The following UNC80 variants were observed in gnomAD, a reference collection of about 807,000 sequenced individuals.
The protein encoded by UNC80 is protein unc-80 homolog.
Under a neutral mutation model 384.6 loss-of-function variants are expected in UNC80, and 164 were observed. The ratio of observed to expected loss-of-function variants is 0.43; its 90% confidence interval spans 0.38 to 0.49. The LOEUF is 0.49. Ranked by LOEUF, UNC80 falls within the 20% of genes least tolerant of loss-of-function variation. The pLI, the probability that UNC80 is intolerant of heterozygous loss-of-function variation, is 0.00. For missense variants in UNC80, 3,330 were observed against 4,143.0 expected (o/e 0.80, Z 5.39); for synonymous variants, 1,486 against 1,527.8 (o/e 0.97, Z 0.64).
At chr2:209,797,173 C>G (rs1298769460) in intron 7 of UNC80, among the ~76,000 whole-genome samples, 1 of 152,020 alleles carries the variant, frequency 6.6e-6, no homozygotes, top group Admixed American at 6.6e-5. Context: ...TATTGTTAAA[C>G]AATATTCTTT....
At position 209,995,602 on chromosome 2, in the gene UNC80, A is replaced by G. The variant is rs182098712; in HGVS notation, c.*7A>G. On this transcript the variant is annotated 3_prime_UTR_variant, in exon 65 of 65. Coordinates refer to ENST00000673920, the MANE Select transcript of UNC80 (RefSeq NM_001371986.1). ...AGATGAGTCTCATGTTTAATTCTGT[A>G]TCTTGTAAGCTCTGCAGGTATAGAG... The G allele has an allele frequency of 1.5e-5, 24 of 1,551,756 alleles. No individual in the cohort carries two copies. In the East Asian group the frequency reaches 2.9e-4, roughly 19 times the overall value.
At chr2:209,852,637 T>C (rs1189773760) in intron 22 of UNC80, among the ~76,000 whole-genome samples, 1 of 152,114 alleles carries the variant, frequency 6.6e-6, no homozygotes, top group Admixed American at 6.6e-5. Context: ...TGCAGCTATA[T>C]GTCGTACGTG....
At chr2:209,853,739 A>G (rs747111233) in intron 22 of UNC80, among the ~76,000 whole-genome samples, 20 of 152,118 alleles carry the variant, frequency 1.3e-4, no homozygotes, top group Admixed American at 7.9e-4. Flanking sequence ...ATCCAGTTGA[A>G]TTTGTAACAT....
chr2:209,777,137 G>A, intron 3 of UNC80, 121 bp from the exon 4 acceptor site: 1 of 1,163,000 alleles, frequency 8.6e-7, no homozygotes, highest in Non-Finnish European at 1.2e-6. Context: ...AATGAGCCCT[G>A]CTAGCAGTGG....
At chr2:209,778,291 T>G (rs2076975244) in intron 4 of UNC80, among the ~76,000 whole-genome samples, 1 of 152,106 alleles carries the variant, frequency 6.6e-6, no homozygotes, top group Non-Finnish European at 1.5e-5. Flanking sequence ...TCCCAGCTAC[T>G]CGGGAGGCTG....
chr2:209,942,869 C>T (rs949990531), intron 44 of UNC80, among the ~76,000 whole-genome samples: 2 of 151,914 alleles, frequency 1.3e-5, no homozygotes, highest in African/African-American at 2.4e-5. Context: ...CACACACACA[C>T]ACACACACAC....
chr2:209,867,713 A>C (rs1406107760), intron 22 of UNC80, among the ~76,000 whole-genome samples: 2 of 152,104 alleles, frequency 1.3e-5, no homozygotes, highest in East Asian at 3.9e-4. Context: ...CGGTCTCTCT[A>C]TAGTCAGCAG....
Position 209,976,994 on chromosome 2 carries a change from C to G in UNC80, c.8854C>G (p.Pro2952Ala), listed in dbSNP as rs1025598097. The change falls in exon 58 of 65, where the codon CCA becomes GCA. Residue 2952 changes from proline to alanine, a missense_variant. Pro to Ala is a conservative substitution (Grantham distance 27). Transcript: ENST00000673920. This position sits in a 1 kb window ranked among gnomAD's most constrained non-coding sequence, Gnocchi z 4.3. ...CGACCAGCTGGAGCGGCGCTTCATA[C>G]CACGCCCTTTGTGTAAGAGCTCGCT... ...IADQLERRFI[P>A]RPLCKSSLIA... 6.9e-5 allele frequency: 106 copies of G among 1,539,758 alleles called. No homozygotes were observed. Among genetic ancestry groups the G allele is most frequent in the Non-Finnish European group, 9.3e-5 (106 of 1,137,260 alleles).
chr2:209,954,278 C>A lies in UNC80; in HGVS notation c.7457+8C>A. ...TGTAGAGGTCCTCACCAGGTAATCC[C>A]ATTGGCAGAAATAGCTACAGCCTTA... On this transcript the variant is annotated splice_region_variant and intron_variant, in intron 48 of 64. Coordinates refer to ENST00000673920, the MANE Select transcript of UNC80 (RefSeq NM_001371986.1). The A allele has an allele frequency of 1.4e-6, 2 of 1,467,326 alleles. No homozygotes were observed. The highest frequency in any genetic ancestry group is 2.5e-5 in the East Asian group (1 of 39,442). 90.9% of individuals were successfully genotyped at this position (1,467,326 alleles called of 1,614,324 possible). A position where few individuals can be genotyped will look rare whatever the true frequency, so the allele number is the denominator to read the frequency against.
Position 209,967,419 on chromosome 2 carries a change from C to CAT in UNC80, c.7806-7_7806-6dup, listed in dbSNP as rs752949976. ...AAGCTTATACTTTAAAATATATATA[C>CAT]ATATATATATATTTTAGGTTGGCAG... On this transcript the variant is annotated splice_polypyrimidine_tract_variant and intron_variant, in intron 51 of 64. Coordinates refer to ENST00000673920, the MANE Select transcript of UNC80 (RefSeq NM_001371986.1). 9.8e-4 allele frequency: 1,449 copies of CAT among 1,477,360 alleles called. 2 individuals carry two copies. The highest frequency in any genetic ancestry group is 3.7e-3 in the East Asian group (146 of 39,930). The allele number at this position is 1,477,360 out of a possible 1,614,324, so 91.5% of individuals were successfully genotyped here.
chr2:209,888,287 G>T, intron 26 of UNC80, 27 bp downstream of exon 26: 6 of 1,549,454 alleles, frequency 3.9e-6, no homozygotes, highest in Non-Finnish European at 5.2e-6. Context: ...GTTCCTTCAT[G>T]TTTCAGGGTT....
rs763369889 is a variant in UNC80, at chr2:209,817,904, G to C, written c.1645G>C (p.Asp549His). 25 of 1,551,462 alleles carry C rather than the reference G, an allele frequency of 1.6e-5. No individual in the cohort carries two copies. Among genetic ancestry groups the C allele is most frequent in the Non-Finnish European group, 2.1e-5 (24 of 1,146,976 alleles). ...CCACTCCCATCACACCCTGGTAAGC[G>C]ACCTGCCGGACCCCTCCAACAGCCA... ...HSHSHHTLVS[D>H]LPDPSNSHGE... The change falls in exon 11 of 65, where the codon GAC becomes CAC. Residue 549 changes from aspartate (D) to histidine (H), a missense_variant. Transcript: ENST00000673920.
At chr2:209,893,503 G>C (rs1434261165) in intron 26 of UNC80, among the ~76,000 whole-genome samples, 1 of 152,134 alleles carries the variant, frequency 6.6e-6, no homozygotes, top group East Asian at 1.9e-4. Context: ...GGTATGCATA[G>C]ACTGTTTTAA....
At chr2:209,892,295 A>C (rs535959712) in intron 26 of UNC80, among the ~76,000 whole-genome samples, 34 of 152,196 alleles carry the variant, frequency 2.2e-4, no homozygotes, top group Admixed American at 6.5e-4. Flanking sequence ...GAGGTGAAAG[A>C]AAAGGCCAAA....
At chr2:209,917,718 A>G (rs1410019483) in intron 31 of UNC80, 59 bp from the exon 32 acceptor site, 13 of 1,531,474 alleles carry the variant, frequency 8.5e-6, no homozygotes, top group Non-Finnish European at 1.1e-5. Flanking sequence ...CTTCTCCCCA[A>G]CCCCAGGAAC....
intron 3 of UNC80, 52 bp from the exon 4 acceptor site, chr2:209,777,206 T>G: frequency 1.3e-6 from 2 of 1,515,662 alleles, no homozygotes; most frequent in Non-Finnish European, 1.8e-6. Flanking sequence ...TGACATCTAT[T>G]GCCCTGGTCA....
At chr2:209,833,879 C>T in intron 16 of UNC80, 123 bp from the exon 17 acceptor site, 1 of 918,278 alleles carries the variant, frequency 1.1e-6, no homozygotes, top group Non-Finnish European at 1.6e-6. Flanking sequence ...GTAAACTGTC[C>T]TGTCTTAATG....
Position 209,872,680 on chromosome 2 carries a change from C to T in UNC80, c.3628-78C>T, listed in dbSNP as rs2084402069. ...AAGAGGAAAATAAACTAAAAATACA[C>T]AGTAATTCCCTTTAAGACCAATTTA... On this transcript the variant is annotated intron_variant, in intron 22 of 64. Transcript: ENST00000673920. This position sits in a 1 kb window ranked among gnomAD's most constrained non-coding sequence, Gnocchi z 4.1. The T allele has an allele frequency of 7.9e-7, 1 of 1,264,804 alleles. No individual in the cohort carries two copies. The highest frequency in any genetic ancestry group is 2.0e-5 in the Admixed American group (1 of 49,250). The allele number at this position is 1,264,804 out of a possible 1,614,324, so 78.3% of individuals were successfully genotyped here.
Position 209,786,171 on chromosome 2 carries a change from A to C in UNC80, c.706A>C (p.Ile236Leu), listed in dbSNP as rs780070251. 5 of 1,613,664 alleles carry C rather than the reference A, an allele frequency of 3.1e-6. No individual in the cohort carries two copies. Residue 236 changes from isoleucine to leucine, a missense_variant, in exon 5 of 65, where the codon ATC becomes CTC. Ile to Leu is a conservative substitution (Grantham distance 5). Around this residue, in one of 8 missense-constraint regions of UNC80, gnomAD observed 937 missense variants for 1,026.8 expected, o/e 0.91. Transcript: ENST00000673920. ...TGGCTTTACCGCACTGGTGAAGCCC[A>C]TCAGGAACATCATTACAGGTTTGTA... is the stretch of plus-strand genomic sequence containing the variant. ...VSGFTALVKP[I>L]RNIITAKRSS... is the part of the protein sequence containing the mutation.
Sources: allele counts gnomAD v4.1 joint callset (sites outside exome capture counted in the v4.1 genomes callset), GRCh38; gene constraint gnomAD v4.1.1; regional missense constraint gnomAD v4.1.1; non-coding constraint Gnocchi (gnomAD v3.1); transcripts MANE v1.5; gene names NCBI Gene and HGNC (gene_info 2026-07-23, HGNC 2026-07-21).